Variants in VPS13B observed in about 807,000 individuals in gnomAD.
VPS13B encodes intermembrane lipid transfer protein VPS13B.
In VPS13B, 285 loss-of-function variants were observed where a neutral mutation model predicts 426.4. The ratio of observed to expected loss-of-function variants is 0.67; its 90% CI spans 0.61 to 0.74. VPS13B has a LOEUF of 0.74. Among genes scored for constraint, VPS13B ranks in the 30% least tolerant of loss-of-function variants. The pLI, the probability that VPS13B is intolerant of heterozygous loss-of-function variation, is 0.00. For missense variants in VPS13B, 4,537 were observed against 4,782.6 expected (o/e 0.95, Z 1.51); for synonymous variants, 1,676 against 1,676.4 (o/e 1.00, Z 0.01).
intron 33 of VPS13B, among the ~76,000 whole-genome samples, chr8:99,587,595 G>A (rs1316506614): frequency 6.6e-6 from 1 of 151,706 alleles, no homozygotes; most frequent in African/African-American, 2.4e-5. Flanking sequence ...ATTTTTTCAT[G>A]TGTCTGTTGG....
Position 99,013,343 on chromosome 8 carries a change from G to A in VPS13B, c.-34G>A. Reference sequence around the variant, plus strand: ...GGTGGAGGGGACGCGGCGGTACTCTGGCGTGTGAGCCGAGGGTGGAGTGCA... The same window carrying A: ...GGTGGAGGGGACGCGGCGGTACTCTAGCGTGTGAGCCGAGGGTGGAGTGCA... On this transcript the variant is annotated 5_prime_UTR_variant, in exon 1 of 62. Transcript: ENST00000357162. 1 of 276,630 alleles carries A rather than the reference G, an allele frequency of 3.6e-6. No individual in the cohort carries two copies. Among genetic ancestry groups the A allele is most frequent in the South Asian group, 3.7e-5 (1 of 26,736 alleles). 17.1% of individuals were successfully genotyped at this position (276,630 alleles called of 1,614,324 possible).
At chr8:99,661,950 C>A (rs938530405) in intron 35 of VPS13B, among the ~76,000 whole-genome samples, 1 of 152,098 alleles carries the variant, frequency 6.6e-6, no homozygotes, top group African/African-American at 2.4e-5. Context: ...ACATGCTTAG[C>A]AAAGTGCTTG....
At chr8:99,757,915 A>G (rs1250272573) in intron 39 of VPS13B, among the ~76,000 whole-genome samples, 1 of 152,222 alleles carries the variant, frequency 6.6e-6, no homozygotes, top group Non-Finnish European at 1.5e-5. Flanking sequence ...GAAATGTACC[A>G]TGTGTTACAT....
intron 35 of VPS13B, among the ~76,000 whole-genome samples, chr8:99,679,352 G>A (rs1311092107): frequency 6.6e-6 from 1 of 152,124 alleles, no homozygotes. Context: ...ATCCCTTATG[G>A]TTATTACTAA....
At position 99,266,606 on chromosome 8, in the gene VPS13B, C is replaced by T. The variant is rs370007193; in HGVS notation, c.2516-7592C>T. ...GATACCTGGTGGGAGGTAATTGAATCATGGGGGGTGGTTACCCTCATGCTG... is the reference window on the plus strand; with the variant it reads ...GATACCTGGTGGGAGGTAATTGAATTATGGGGGGTGGTTACCCTCATGCTG... On this transcript the variant is annotated intron_variant, in intron 17 of 61. Transcript: ENST00000357162. Among the ~76,000 whole-genome samples the T allele has an allele frequency of 1.5e-3, 223 of 152,152 alleles. 4 individuals carry two copies. In the South Asian group the frequency reaches 0.045, roughly 31 times the overall value.
chr8:99,286,327 T>A (rs1468196517), intron 19 of VPS13B, among the ~76,000 whole-genome samples: 3 of 152,198 alleles, frequency 2.0e-5, no homozygotes, highest in African/African-American at 7.2e-5. Flanking sequence ...AAAGAATAAT[T>A]TTTAAATGTA....
intron 21 of VPS13B, among the ~76,000 whole-genome samples, chr8:99,404,035 G>T (rs1005107406): frequency 3.3e-5 from 5 of 152,112 alleles, no homozygotes; most frequent in Non-Finnish European, 7.4e-5. Flanking sequence ...TGTTTTTGTT[G>T]TGTGCAGTTT....
chr8:99,541,260 G>A (rs1823600152), intron 30 of VPS13B, among the ~76,000 whole-genome samples: 1 of 152,088 alleles, frequency 6.6e-6, no homozygotes. Context: ...TCTGACTAAA[G>A]TCAACCCTAT....
chr8:99,671,275 T>C (rs1330821533), intron 35 of VPS13B, among the ~76,000 whole-genome samples: 1 of 152,216 alleles, frequency 6.6e-6, no homozygotes, highest in Non-Finnish European at 1.5e-5. Flanking sequence ...GCCATTTGTA[T>C]GTCCTCTTTT....
intron 17 of VPS13B, among the ~76,000 whole-genome samples, chr8:99,222,799 C>T (rs2132832953): frequency 6.6e-6 from 1 of 152,162 alleles, no homozygotes; most frequent in Non-Finnish European, 1.5e-5. Context: ...ATAAAGTGCT[C>T]ATTATTGGTG....
intron 44 of VPS13B, among the ~76,000 whole-genome samples, chr8:99,810,554 C>T (rs1337136081): frequency 3.3e-5 from 5 of 151,940 alleles, no homozygotes; most frequent in South Asian, 2.1e-4. Flanking sequence ...TTGTGGGCCA[C>T]GGAAATAAAA....
intron 34 of VPS13B, among the ~76,000 whole-genome samples, chr8:99,642,719 C>G (rs1829420821): frequency 6.6e-6 from 1 of 152,158 alleles, no homozygotes; most frequent in South Asian, 2.1e-4. Flanking sequence ...AATATTCATT[C>G]TTTTTCCAGG....
At chr8:99,873,622 G>A (rs908532795) in intron 61 of VPS13B, among the ~76,000 whole-genome samples, 1 of 152,142 alleles carries the variant, frequency 6.6e-6, no homozygotes, top group Non-Finnish European at 1.5e-5. Context: ...TCTCTCTCCT[G>A]AAGTCATTAA....
At chr8:99,781,661 T>C (rs1467802715) in intron 42 of VPS13B, among the ~76,000 whole-genome samples, 1 of 152,202 alleles carries the variant, frequency 6.6e-6, no homozygotes, top group Non-Finnish European at 1.5e-5. Flanking sequence ...TGTTCTTTAA[T>C]TTACATTTTT....
rs377255221 is a variant in VPS13B, at chr8:99,606,628, TC to T, written c.5220+28996del. Among the ~76,000 whole-genome samples, 520 of 115,326 alleles carry T rather than the reference TC, an allele frequency of 4.5e-3. 9 individuals carry two copies. The highest frequency in any genetic ancestry group is 0.039 in the East Asian group (85 of 2,194). 75.7% of individuals were successfully genotyped at this position (115,326 alleles called of 152,430 possible). A position where few individuals can be genotyped will look rare whatever the true frequency, so the allele number is the denominator to read the frequency against. ...TTTTGTTTTCTTTTTCTTTTTCTTT[TC>T]TTTTTTTTTTTTTTTTTGAGACGGA... On this transcript the variant is annotated intron_variant, in intron 33 of 61. Transcript: ENST00000357162.
chr8:99,495,271 A>G (rs957780236), intron 25 of VPS13B, among the ~76,000 whole-genome samples: 26 of 152,244 alleles, frequency 1.7e-4, no homozygotes, highest in African/African-American at 5.1e-4. Flanking sequence ...AGACATGCAT[A>G]TGTTCATTAA....
At chr8:99,567,927 T>G (rs1240696341) in intron 31 of VPS13B, among the ~76,000 whole-genome samples, 1 of 152,132 alleles carries the variant, frequency 6.6e-6, no homozygotes, top group Non-Finnish European at 1.5e-5. Flanking sequence ...CTGGGTAATA[T>G]AATAAGAGTA....
At chr8:99,234,215 G>T in intron 17 of VPS13B, 1 of 776,384 alleles carries the variant, frequency 1.3e-6, no homozygotes, top group African/African-American at 1.7e-5. Context: ...ACTGATGCCC[G>T]CTTAGCTCCT....
intron 4 of VPS13B, among the ~76,000 whole-genome samples, chr8:99,100,096 G>T (rs1846648910): frequency 6.6e-6 from 1 of 151,942 alleles, no homozygotes; most frequent in Non-Finnish European, 1.5e-5. Flanking sequence ...TTACTGTGAG[G>T]GATTATAGAG....
Sources: allele counts gnomAD v4.1 joint callset (sites outside exome capture counted in the v4.1 genomes callset), GRCh38; gene constraint gnomAD v4.1.1; transcripts MANE v1.5; gene names NCBI Gene and HGNC (gene_info 2026-07-23, HGNC 2026-07-21).